Variants in MYBPC3 observed in about 807,000 individuals in gnomAD.
MYBPC3 encodes myosin binding protein C3.
A neutral mutation model predicts 159.3 loss-of-function variants in MYBPC3; 108 were observed. That is an observed-to-expected ratio of 0.68 (90% CI 0.58 to 0.80). The LOEUF is 0.80. Ranked by LOEUF, MYBPC3 falls within the 30% of genes least tolerant of loss-of-function variation. The pLI is 0.00. For synonymous variants in MYBPC3, 730 were observed against 702.0 expected (o/e 1.04, Z -0.63); for missense variants, 1,631 against 1,762.1 (o/e 0.93, Z 1.33).
In MYBPC3 at chr11:47,332,403, C is replaced by A; in HGVS notation, c.3628-145G>T. 1 of 1,423,030 alleles carries A rather than the reference C, an allele frequency of 7.0e-7. No individual in the cohort carries two copies. The highest frequency in any genetic ancestry group is 9.6e-7 in the Non-Finnish European group (1 of 1,037,040). 88.2% of individuals were successfully genotyped at this position (1,423,030 alleles called of 1,614,324 possible). A position where few individuals can be genotyped will look rare whatever the true frequency, so the allele number is the denominator to read the frequency against. On this transcript the variant is annotated intron_variant, in intron 32 of 34. Coordinates refer to ENST00000545968, the MANE Select transcript of MYBPC3 (RefSeq NM_000256.3). This position sits in a 1 kb window ranked among gnomAD's most constrained non-coding sequence, Gnocchi z 4.2. ...CCCAAGGCTGGAAACAAACATGGAA[C>A]CAAGAGTGAGTACCATGGCCCTGCC...
rs759307749 is a variant in MYBPC3 at position 47,350,624 on chromosome 11, G to T, written c.293-9C>A. 7.5e-6 allele frequency: 11 copies of T among 1,474,592 alleles called. No homozygotes were observed. The allele number at this position is 1,474,592 out of a possible 1,614,324, so 91.3% of individuals were successfully genotyped here. ...CATGGGCTCTGCCTTCTCTGGAGGG[G>T]ATCAGATGGGAGTCGTGGTGCAGCC... On this transcript the variant is annotated splice_polypyrimidine_tract_variant and intron_variant, in intron 2 of 34. Coordinates refer to ENST00000545968, the MANE Select transcript of MYBPC3 (RefSeq NM_000256.3).
At chr11:47,348,682 T>A in intron 5 of MYBPC3, 141 bp from the exon 6 acceptor site, 1 of 589,696 alleles carries the variant, frequency 1.7e-6, no homozygotes, top group South Asian at 2.5e-5. Context: ...GGCGGGCGGA[T>A]CACATAAGAC....
At position 47,332,630 on chromosome 11, in the gene MYBPC3, A is replaced by G. The variant is rs1360151492; in HGVS notation, c.3563T>C (p.Val1188Ala). 1 of 1,613,834 alleles carries G rather than the reference A, an allele frequency of 6.2e-7. No individual in the cohort carries two copies. Among genetic ancestry groups the G allele is most frequent in the South Asian group, 1.1e-5 (1 of 91,090 alleles). The change falls in exon 32 of 35, where the codon GTG becomes GCG. Residue 1188 changes from valine to alanine, a missense_variant. Transcript: ENST00000545968. This position sits in a 1 kb window ranked among gnomAD's most constrained non-coding sequence, Gnocchi z 4.2. ...GTAGCCCGCGATGACCGAGCGGTTC[A>G]CCAGGGGCTGGGTGAAGCTTGGGGC... Reference protein sequence around the residue: ...SEAPSFTQPLVNRSVIAGYTA... With the variant: ...SEAPSFTQPLANRSVIAGYTA...
At chr11:47,340,075 T>C (rs938715861) in intron 20 of MYBPC3, among the ~76,000 whole-genome samples, 1 of 151,808 alleles carries the variant, frequency 6.6e-6, no homozygotes, top group African/African-American at 2.4e-5. Context: ...TTTTGAAAAC[T>C]GGGGGAACAT....
At chr11:47,345,075 C>A (rs2142863321) in intron 12 of MYBPC3, among the ~76,000 whole-genome samples, 1 of 152,360 alleles carries the variant, frequency 6.6e-6, no homozygotes, top group East Asian at 1.9e-4. Flanking sequence ...CAGGCGTGAG[C>A]CACTGCACCT....
At chr11:47,339,622 T>G (rs1565626339) in intron 21 of MYBPC3, 29 bp downstream of exon 21, 1 of 1,546,476 alleles carries the variant, frequency 6.5e-7, no homozygotes, top group South Asian at 1.2e-5. Context: ...ATCTTATAGA[T>G]GGGGAGACTG....
chr11:47,339,880 T>C (rs2095886643), intron 20 of MYBPC3, 90 bp from the exon 21 acceptor site: 1 of 1,410,282 alleles, frequency 7.1e-7, no homozygotes, highest in African/African-American at 1.4e-5. Flanking sequence ...CCTGGGCCCC[T>C]GGTTATTGGT....
intron 5 of MYBPC3, among the ~76,000 whole-genome samples, chr11:47,349,147 C>T: frequency 6.6e-6 from 1 of 151,232 alleles, no homozygotes. Flanking sequence ...CTTGCCTAGC[C>T]CAGGACTGGG....
chr11:47,351,290 C>A lies in MYBPC3; in HGVS notation c.241G>T (p.Val81Phe), dbSNP rs999833111. The A allele has an allele frequency of 3.1e-5, 48 of 1,567,108 alleles. No homozygotes were observed. Among genetic ancestry groups the A allele is most frequent in the Non-Finnish European group, 4.2e-5 (48 of 1,154,336 alleles). The change falls in exon 2 of 35, where the codon GTC becomes TTC. Residue 81 changes from valine (V) to phenylalanine (F), a missense_variant. Val to Phe is a conservative substitution (Grantham distance 50). Transcript: ENST00000545968. The surrounding 1 kb of genome is among the most constrained non-coding windows in gnomAD (Gnocchi z 4.2). ...VGPADQGSYA[V>F]IAGSSKVKFD... is the part of the protein sequence containing the mutation. ...TTGACCTTGGAGGAGCCAGCAATGA[C>A]TGCGTAAGATCCCTGGTCGGCAGGG...
Position 47,332,431 on chromosome 11 carries a change from G to T in MYBPC3, c.3627+135C>A. 6.9e-7 allele frequency: 1 copy of T among 1,447,872 alleles called. No individual in the cohort carries two copies. Among genetic ancestry groups the T allele is most frequent in the South Asian group, 1.3e-5 (1 of 75,604 alleles). The allele number at this position is 1,447,872 out of a possible 1,614,324, so 89.7% of individuals were successfully genotyped here. ...AGAGTGAGTACCATGGCCCTGCCCA[G>T]GGGGAGGAACCCGGTCCATACACCC... On this transcript the variant is annotated intron_variant, in intron 32 of 34. Transcript: ENST00000545968. The surrounding 1 kb of genome is among the most constrained non-coding windows in gnomAD (Gnocchi z 4.2).
intron 27 of MYBPC3, among the ~76,000 whole-genome samples, 197 bp downstream of exon 27, chr11:47,334,845 G>A (rs1185388960): frequency 6.6e-6 from 1 of 152,108 alleles, no homozygotes; most frequent in African/African-American, 2.4e-5. Context: ...TTACAGGCTT[G>A]AGCCACTGTG....
At chr11:47,334,964 A>G (rs912928594) in intron 27 of MYBPC3, 78 bp downstream of exon 27, 1 of 1,385,716 alleles carries the variant, frequency 7.2e-7, no homozygotes, top group Non-Finnish European at 9.4e-7. Flanking sequence ...GGCCTCCCCA[A>G]CTGTCCCCAC....
intron 8 of MYBPC3, 56 bp downstream of exon 8, chr11:47,347,595 G>T: frequency 1.9e-6 from 3 of 1,561,488 alleles, no homozygotes; most frequent in Non-Finnish European, 1.7e-6. Context: ...GCTCCCACCC[G>T]TCTCAGACCC....
intron 8 of MYBPC3, 79 bp from the exon 9 acceptor site, chr11:47,347,558 G>A (rs1404931348): frequency 3.2e-6 from 5 of 1,559,122 alleles, no homozygotes; most frequent in South Asian, 1.2e-5. Context: ...GGAGTGGGGA[G>A]GGAGAAAGGG....
chr11:47,347,203 TGGAGTGG>T (rs2095895189), intron 9 of MYBPC3, 174 bp from the exon 10 acceptor site: 1 of 985,102 alleles, frequency 1.0e-6, no homozygotes, highest in Non-Finnish European at 1.2e-6. Context: ...GCCTCAAGTG[TGGAGTGG>T]CCGTGGGGGA....
intron 20 of MYBPC3, among the ~76,000 whole-genome samples, chr11:47,340,120 T>TTC: frequency 6.7e-6 from 1 of 149,562 alleles, no homozygotes; most frequent in South Asian, 2.1e-4. Flanking sequence ...ACACACACAA[T>TTC]ACACACACAC....
intron 9 of MYBPC3, 133 bp downstream of exon 9, chr11:47,347,293 C>T: frequency 1.3e-6 from 2 of 1,524,284 alleles, no homozygotes; most frequent in South Asian, 1.3e-5. Flanking sequence ...TGGGATCATC[C>T]CCTCGACAGA....
intron 5 of MYBPC3, among the ~76,000 whole-genome samples, chr11:47,349,255 C>A (rs1400917523): frequency 1.3e-5 from 2 of 152,008 alleles, no homozygotes; most frequent in Non-Finnish European, 1.5e-5. Context: ...ACACAAAAAA[C>A]GAAGGCTTAA....
chr11:47,333,115 G>A, intron 30 of MYBPC3, 79 bp downstream of exon 30: 1 of 1,539,140 alleles, frequency 6.5e-7, no homozygotes, highest in African/African-American at 1.4e-5. Context: ...TCCACGGTGA[G>A]GACAGTGAAG....
Sources: gnomAD v4.1 joint callset for allele counts (sites outside exome capture counted in the v4.1 genomes callset) on GRCh38, gnomAD v4.1.1 for gene constraint, Gnocchi (gnomAD v3.1) non-coding constraint, MANE v1.5 for transcripts, NCBI Gene and HGNC (gene_info 2026-07-23, HGNC 2026-07-21) for gene names.